The following LRIG1 variants were observed in gnomAD, a reference collection of about 807,000 sequenced individuals.
The protein encoded by LRIG1 is leucine-rich repeats and immunoglobulin-like domains protein 1.
LRIG1 carries 48 observed loss-of-function variants against 99.2 expected under a neutral mutation model. That is an observed-to-expected ratio of 0.48 (90% CI 0.38 to 0.62). LRIG1 has a LOEUF of 0.62. Among genes scored for constraint, LRIG1 ranks in the 20% least tolerant of loss-of-function variants. LRIG1 has a pLI of 0.00. For synonymous variants in LRIG1, 772 were observed against 596.1 expected, an observed-to-expected ratio of 1.29 and a Z score of -4.30; for missense variants, 1,646 against 1,434.4, an observed-to-expected ratio of 1.15 and a Z score of -2.38.
chr3:66,471,541 G>C (rs1700595835), intron 1 of LRIG1, among the ~76,000 whole-genome samples: 1 of 152,190 alleles, frequency 6.6e-6, no homozygotes, highest in Admixed American at 6.5e-5. Flanking sequence ...CCGCTGCAGG[G>C]AGAGCAAAGG....
intron 4 of LRIG1, among the ~76,000 whole-genome samples, chr3:66,416,582 T>G (rs986653120): frequency 6.6e-6 from 1 of 152,196 alleles, no homozygotes; most frequent in Admixed American, 6.5e-5. Flanking sequence ...GATGGGACAT[T>G]AATATGGGTA....
chr3:66,432,905 G>C (rs112565655), intron 3 of LRIG1, among the ~76,000 whole-genome samples: 1 of 152,118 alleles, frequency 6.6e-6, no homozygotes, highest in Non-Finnish European at 1.5e-5. Context: ...ATGTCCTGTC[G>C]CAAGCCACTG....
At chr3:66,383,480 A>G (rs879094221) in intron 14 of LRIG1, 79 bp from the exon 15 acceptor site, 2 of 1,246,420 alleles carry the variant, frequency 1.6e-6, no homozygotes, top group South Asian at 2.9e-5. Flanking sequence ...TGGACAACGG[A>G]CAATCCAACA....
Position 66,383,356 on chromosome 3 carries a change from A to C in LRIG1, c.2117T>G (p.Val706Gly). The change falls in exon 15 of 19, where the codon GTG becomes GGG. Residue 706 changes from valine to glycine, a missense_variant. Physicochemically the swap from Val to Gly is moderately radical, Grantham distance 109 (BLOSUM62 -3). Transcript: ENST00000273261. ...VVPLEDRVVS[V>G]GETVALQCKA... ...GCATTGGAGGGCCACTGTTTCTCCC[A>C]CAGATACCACACGGTCTTCCAAGGG... 6.3e-7 allele frequency: 1 copy of C among 1,585,362 alleles called. No homozygotes were observed. Among genetic ancestry groups the C allele is most frequent in the Non-Finnish European group, 8.6e-7 (1 of 1,161,076 alleles).
intron 3 of LRIG1, among the ~76,000 whole-genome samples, chr3:66,446,065 G>A (rs551373555): frequency 6.6e-6 from 1 of 152,080 alleles, no homozygotes; most frequent in African/African-American, 2.4e-5. Flanking sequence ...ACTTTAATGC[G>A]AACTGATCTT....
Position 66,381,542 on chromosome 3 carries a change from A to G in LRIG1, c.2707T>C (p.Tyr903His). The G allele has an allele frequency of 6.2e-7, 1 of 1,614,080 alleles. No individual in the cohort carries two copies. The highest frequency in any genetic ancestry group is 8.5e-7 in the Non-Finnish European group (1 of 1,179,990). The change falls in exon 17 of 19, where the codon TAT (tyrosine) becomes CAT (histidine). Residue 903 changes from tyrosine to histidine, a missense_variant. Transcript: ENST00000273261. ...RQPKLCAGSA[Y>H]HKEPWKAMEK... ...ATCGCTTTCCACGGCTCTTTGTGAT[A>G]CGCAGACCCAGCACAGAGCTTTGGC...
At chr3:66,416,646 C>T (rs940952028) in intron 4 of LRIG1, among the ~76,000 whole-genome samples, 1 of 152,124 alleles carries the variant, frequency 6.6e-6, no homozygotes, top group African/African-American at 2.4e-5. Flanking sequence ...AGAGTAACTG[C>T]CCTCCCCCAA....
rs745483210 is a variant in LRIG1 at position 66,383,136 on chromosome 3, G to A, written c.2337C>T (p.Ser779=). ...TCCTGCAGCCTGCTGCGGGCAGGAC[G>A]CTCAGCTGGCTGTGAGCTCGCTCCG... is the stretch of plus-strand genomic sequence containing the variant. ...LGTERAHSQL[S]VLPAAGCRKD... Residue 779 remains serine (S), a synonymous_variant, in exon 15 of 19, where the codon AGC becomes AGT. Transcript: ENST00000273261. The A allele has an allele frequency of 3.2e-5, 51 of 1,614,120 alleles. No individual in the cohort carries two copies. The Admixed American group carries it at 3.7e-4, about 12-fold the overall frequency.
chr3:66,420,892 T>C (rs750484266), intron 3 of LRIG1, among the ~76,000 whole-genome samples: 2 of 152,198 alleles, frequency 1.3e-5, no homozygotes, highest in Non-Finnish European at 2.9e-5. Context: ...GAGGTTTAAT[T>C]GGACTCACAG....
chr3:66,477,446 T>C (rs1201067166), intron 1 of LRIG1, among the ~76,000 whole-genome samples: 4 of 152,176 alleles, frequency 2.6e-5, no homozygotes, highest in East Asian at 1.9e-4. Context: ...TGGTAAAACA[T>C]TGCTGTAATC....
chr3:66,418,397 C>A (rs766207834), intron 3 of LRIG1, among the ~76,000 whole-genome samples: 2 of 152,150 alleles, frequency 1.3e-5, no homozygotes, highest in African/African-American at 4.8e-5. Context: ...CTGGCCTGTG[C>A]GCACCTTTAA....
chr3:66,383,865 C>G (rs1022341171), intron 14 of LRIG1, 126 bp downstream of exon 14: 3 of 1,365,034 alleles, frequency 2.2e-6, no homozygotes, highest in Non-Finnish European at 2.9e-6. Flanking sequence ...AAAAAGCAGC[C>G]CCAAATTTCA....
chr3:66,398,204 C>G (rs759402190), intron 10 of LRIG1, 21 bp from the exon 11 acceptor site: 2 of 1,604,998 alleles, frequency 1.2e-6, no homozygotes, highest in Non-Finnish European at 1.7e-6. Context: ...ACATACATTA[C>G]TTATGCAAAG....
At chr3:66,469,898 T>C (rs1700557576) in intron 1 of LRIG1, among the ~76,000 whole-genome samples, 1 of 100,758 alleles carries the variant, frequency 9.9e-6, no homozygotes, top group Non-Finnish European at 1.9e-5. Flanking sequence ...AGTGAGACCC[T>C]GTCCCTACCA....
intron 3 of LRIG1, among the ~76,000 whole-genome samples, chr3:66,423,707 G>A (rs1702890755): frequency 6.6e-6 from 1 of 152,190 alleles, no homozygotes; most frequent in Admixed American, 6.5e-5. Flanking sequence ...TTCCTGCTGT[G>A]GAACATGGCA....
At chr3:66,450,600 C>G (rs143685391) in intron 3 of LRIG1, among the ~76,000 whole-genome samples, 1 of 152,112 alleles carries the variant, frequency 6.6e-6, no homozygotes, top group Non-Finnish European at 1.5e-5. Context: ...GCCAAAGATC[C>G]GAGATCTGTA....
chr3:66,389,884 G>C (rs1490927051), intron 12 of LRIG1, among the ~76,000 whole-genome samples: 3 of 152,144 alleles, frequency 2.0e-5, no homozygotes, highest in Non-Finnish European at 2.9e-5. Context: ...ACTCTCCTGA[G>C]TGATGATACC....
At chr3:66,428,979 G>T (rs551099696) in intron 3 of LRIG1, among the ~76,000 whole-genome samples, 2 of 152,362 alleles carry the variant, frequency 1.3e-5, no homozygotes, top group Admixed American at 6.5e-5. Context: ...TTCAGGTGGA[G>T]ACTGGATAAA....
intron 3 of LRIG1, among the ~76,000 whole-genome samples, chr3:66,444,163 C>A (rs988458835): frequency 6.6e-6 from 1 of 152,190 alleles, no homozygotes; most frequent in South Asian, 2.1e-4. Context: ...CAGCACCCAC[C>A]GGCTGAGAGA....
Sources: allele counts gnomAD v4.1 joint callset (sites outside exome capture counted in the v4.1 genomes callset), GRCh38; gene constraint gnomAD v4.1.1; transcripts MANE v1.5; gene names NCBI Gene and HGNC (gene_info 2026-07-23, HGNC 2026-07-21).